Variants in MS4A7 observed in about 807,000 individuals in gnomAD.
MS4A7 encodes the protein membrane-spanning 4-domains subfamily A member 7.
MS4A7 carries 21 observed loss-of-function variants against 23.5 expected under a neutral mutation model. That is an observed-to-expected ratio of 0.89 (90% CI 0.63 to 1.29). The LOEUF (loss-of-function observed/expected upper bound fraction) is 1.29. MS4A7 is among the 50% of genes most tolerant of loss of function. MS4A7 has a pLI of 0.00. For synonymous variants in MS4A7, 111 were observed against 107.4 expected (o/e 1.03, Z -0.21); for missense variants, 263 against 274.2 (o/e 0.96, Z 0.29).
rs2135113631 is a variant in MS4A7, at chr11:60,394,975, TAAC to T, written c.*1117_*1119del. On this transcript the variant is annotated 3_prime_UTR_variant, in exon 7 of 7. Transcript: ENST00000300184. Reference sequence around the variant, plus strand: ...GGAGTCAATGAAGACATCTTAGTCTTAACAAGTTACAGATAATCTCTGACTGGC... The same window carrying T: ...GGAGTCAATGAAGACATCTTAGTCTTAAGTTACAGATAATCTCTGACTGGC... The T allele has an allele frequency of 3.0e-6, 2 of 664,710 alleles. No homozygotes were observed. The highest frequency in any genetic ancestry group is 5.5e-6 in the Non-Finnish European group (2 of 362,254). The allele number at this position is 664,710 out of a possible 1,614,324, so 41.2% of individuals were successfully genotyped here.
intron 2 of MS4A7, among the ~76,000 whole-genome samples, chr11:60,383,932 T>A (rs933430225): frequency 1.1e-4 from 17 of 152,342 alleles, no homozygotes; most frequent in Non-Finnish European, 2.1e-4. Flanking sequence ...AACTTTGAGC[T>A]TATTTTTCAA....
intron 4 of MS4A7, 107 bp downstream of exon 4, chr11:60,386,880 T>G (rs897452059): frequency 9.2e-6 from 9 of 978,948 alleles, no homozygotes; most frequent in Admixed American, 2.6e-5. Context: ...AGAAAAAGCT[T>G]AGAACAGGCT....
intron 5 of MS4A7, 31 bp from the exon 6 acceptor site, chr11:60,392,654 G>A (rs1381083058): frequency 4.5e-6 from 7 of 1,567,318 alleles, no homozygotes; most frequent in Non-Finnish European, 5.3e-6. Context: ...AGCTTGTCTT[G>A]GGTACCAGCC....
At chr11:60,392,064 C>A (rs981773881) in intron 5 of MS4A7, among the ~76,000 whole-genome samples, 1 of 151,420 alleles carries the variant, frequency 6.6e-6, no homozygotes, top group African/African-American at 2.4e-5. Context: ...CTGAGCAGAT[C>A]AGTTAAACAG....
intron 1 of MS4A7, among the ~76,000 whole-genome samples, chr11:60,379,030 C>A (rs1189636895): frequency 6.6e-6 from 1 of 152,196 alleles, no homozygotes; most frequent in Non-Finnish European, 1.5e-5. Flanking sequence ...AGCTGTTGAC[C>A]TCCATGTCAT....
rs2085587726 is a variant in MS4A7 at position 60,394,354 on chromosome 11, AG to A, written c.*495del. On this transcript the variant is annotated 3_prime_UTR_variant, in exon 7 of 7. Coordinates refer to ENST00000300184, the MANE Select transcript of MS4A7 (RefSeq NM_021201.5). Reference sequence around the variant, plus strand: ...ACTGGGCCCTTTTTCATGAGCCATTAGGTGGAAGACAGCAAAGAGATCTTCT... The same window carrying A: ...ACTGGGCCCTTTTTCATGAGCCATTAGTGGAAGACAGCAAAGAGATCTTCT... 1 of 152,680 alleles carries A rather than the reference AG, an allele frequency of 6.5e-6. No individual in the cohort carries two copies. The highest frequency in any genetic ancestry group is 1.9e-4 in the East Asian group (1 of 5,226). The allele number at this position is 152,680 out of a possible 1,614,324, so 9.5% of individuals were successfully genotyped here. A position where few individuals can be genotyped will look rare whatever the true frequency, so the allele number is the denominator to read the frequency against.
chr11:60,391,195 C>T (rs1458600694), intron 5 of MS4A7, among the ~76,000 whole-genome samples: 3 of 152,178 alleles, frequency 2.0e-5, no homozygotes, highest in Non-Finnish European at 4.4e-5. Flanking sequence ...TGCCCAACAT[C>T]CCAAGAAGTT....
chr11:60,394,994 TCTGA>T lies in MS4A7; in HGVS notation c.*1137_*1140del. ...TAGTCTTAACAAGTTACAGATAATCTCTGACTGGCATGTTTTCTGCTTCTAGCTT... is the reference window on the plus strand; with the variant it reads ...TAGTCTTAACAAGTTACAGATAATCTCTGGCATGTTTTCTGCTTCTAGCTT... On this transcript the variant is annotated 3_prime_UTR_variant, in exon 7 of 7. Transcript: ENST00000300184. 4 of 640,530 alleles carry T rather than the reference TCTGA, an allele frequency of 6.2e-6. No homozygotes were observed. Among genetic ancestry groups the T allele is most frequent in the Non-Finnish European group, 8.6e-6 (3 of 350,260 alleles). The allele number at this position is 640,530 out of a possible 1,614,324, so 39.7% of individuals were successfully genotyped here.
chr11:60,392,842 T>C, intron 6 of MS4A7, 56 bp downstream of exon 6: 1 of 1,262,340 alleles, frequency 7.9e-7, no homozygotes, highest in South Asian at 1.2e-5. Context: ...CAGGCTACAA[T>C]AATCCAACCT....
rs867801378 is a variant in MS4A7 at position 60,387,068 on chromosome 11, A to T, written c.339+295A>T. On this transcript the variant is annotated intron_variant, in intron 4 of 6. Coordinates refer to ENST00000300184, the MANE Select transcript of MS4A7 (RefSeq NM_021201.5). ...GTGTACATTTTTAAATGTACCATGG[A>T]CTCTTTATAGCTTGTAACCTTGACC... is the stretch of plus-strand genomic sequence containing the variant. 7.2e-5 allele frequency among the ~76,000 whole-genome samples: 11 copies of T among 152,132 alleles called. No homozygotes were observed. The Middle Eastern group carries it at 0.014, about 188-fold the overall frequency.
intron 3 of MS4A7, 50 bp from the exon 4 acceptor site, chr11:60,386,667 C>T (rs1379958506): frequency 6.9e-7 from 1 of 1,443,740 alleles, no homozygotes; most frequent in Admixed American, 1.8e-5. Flanking sequence ...ACATGGTGGG[C>T]ACATTTCCAC....
At chr11:60,386,248 C>T (rs1398876208) in intron 3 of MS4A7, among the ~76,000 whole-genome samples, 6 of 152,164 alleles carry the variant, frequency 3.9e-5, no homozygotes, top group African/African-American at 1.2e-4. Flanking sequence ...CCACTTTCCT[C>T]GACTCCCATT....
chr11:60,386,386 A>T, intron 3 of MS4A7: 1 of 245,180 alleles, frequency 4.1e-6, no homozygotes, highest in African/African-American at 2.2e-5. Context: ...TCATTGGTCC[A>T]TCTCAACCTC....
chr11:60,382,903 G>A (rs1384301276), intron 1 of MS4A7, among the ~76,000 whole-genome samples: 2 of 152,176 alleles, frequency 1.3e-5, no homozygotes, highest in African/African-American at 4.8e-5. Context: ...CTCAAAATGT[G>A]TACAGTACTC....
intron 1 of MS4A7, among the ~76,000 whole-genome samples, chr11:60,381,911 C>T (rs1460181002): frequency 6.6e-6 from 1 of 152,124 alleles, no homozygotes; most frequent in Non-Finnish European, 1.5e-5. Flanking sequence ...TTCCATCTCC[C>T]TCACTAGGAA....
intron 3 of MS4A7, chr11:60,386,374 A>G: frequency 4.4e-6 from 1 of 226,070 alleles, no homozygotes; most frequent in South Asian, 1.5e-4. Context: ...TGTCCATTCA[A>G]GTCATTGGTC....
intron 5 of MS4A7, 111 bp downstream of exon 5, chr11:60,389,707 C>A: frequency 2.0e-6 from 2 of 990,474 alleles, no homozygotes; most frequent in Non-Finnish European, 1.6e-6. Flanking sequence ...TGCCTGGAGA[C>A]AGACAGAAAT....
chr11:60,389,277 A>C (rs2085523034), intron 4 of MS4A7, 113 bp from the exon 5 acceptor site: 1 of 785,786 alleles, frequency 1.3e-6, no homozygotes. Context: ...CCACACAAGG[A>C]AACAGGAAGG....
chr11:60,388,120 G>A (rs1565167406), intron 4 of MS4A7, among the ~76,000 whole-genome samples: 1 of 152,224 alleles, frequency 6.6e-6, no homozygotes, highest in Non-Finnish European at 1.5e-5. Context: ...AGGAAAAGTA[G>A]TCCCAGTGGG....
Sources: gnomAD v4.1 joint callset for allele counts (sites outside exome capture counted in the v4.1 genomes callset) on GRCh38, gnomAD v4.1.1 for gene constraint, MANE v1.5 for transcripts, NCBI Gene and HGNC (gene_info 2026-07-23, HGNC 2026-07-21) for gene names.